The following ZNF208 variants were observed in gnomAD, a reference collection of about 807,000 sequenced individuals.
ZNF208 encodes the protein zinc finger protein 208.
A neutral mutation model predicts 12.1 loss-of-function variants in ZNF208; 10 were observed. That is an observed-to-expected ratio of 0.83 (90% CI 0.51 to 1.40). ZNF208 has a LOEUF of 1.40. Among genes scored for constraint, ZNF208 ranks in the 40% most tolerant of loss-of-function variants. The pLI, the probability that ZNF208 is intolerant of heterozygous loss-of-function variation, is 0.00. For missense variants in ZNF208, 1,652 were observed against 1,485.0 expected (o/e 1.11, Z -1.85); for synonymous variants, 497 against 488.4 (o/e 1.02, Z -0.23).
intron 1 of ZNF208, among the ~76,000 whole-genome samples, chr19:22,009,067 C>T (rs1971098402): frequency 6.6e-6 from 1 of 152,090 alleles, no homozygotes; most frequent in Admixed American, 6.6e-5. Flanking sequence ...GAAACCTTGA[C>T]CCAAAACATT....
At chr19:21,964,614 A>G (rs1331520430), downstream of ZNF208, among the ~76,000 whole-genome samples, 1 of 151,758 alleles carries the variant, frequency 6.6e-6, no homozygotes, top group Non-Finnish European at 1.5e-5. Context: ...TAACAATGAT[A>G]TCTCTCATGA....
intron 1 of ZNF208, among the ~76,000 whole-genome samples, chr19:22,001,007 G>T (rs1023469468): frequency 6.6e-6 from 1 of 152,152 alleles, no homozygotes; most frequent in East Asian, 1.9e-4. Flanking sequence ...CAAAGCCCTG[G>T]GCTGAGTGCG....
downstream of ZNF208, among the ~76,000 whole-genome samples, chr19:21,961,623 T>C (rs550316312): frequency 6.6e-6 from 1 of 152,158 alleles, no homozygotes; most frequent in East Asian, 1.9e-4. Context: ...TCAGTCCTTA[T>C]CTCAATCACA....
At chr19:21,975,590 A>G (rs941747935) in intron 3 of ZNF208, among the ~76,000 whole-genome samples, 2 of 152,128 alleles carry the variant, frequency 1.3e-5, no homozygotes, top group African/African-American at 4.8e-5. Context: ...AAAGATTAAA[A>G]TCTATACAAT....
At chr19:21,959,190 T>A (rs1010151394) in intron 4 of ZNF208, among the ~76,000 whole-genome samples, 3 of 152,132 alleles carry the variant, frequency 2.0e-5, no homozygotes, top group African/African-American at 7.2e-5. Context: ...ATATTTAAAT[T>A]TATAAAGTAA....
Position 21,974,232 on chromosome 19 carries a change from G to A in ZNF208, c.802C>T (p.Gln268Ter), listed in dbSNP as rs765113757. The change falls in exon 4 of 4, where the codon CAA becomes TAA. Residue 268 changes from glutamine (Q) to a stop codon, truncating the protein, a stop_gained. Coordinates refer to ENST00000397126, the MANE Select transcript of ZNF208 (RefSeq NM_007153.3). LOFTEE classifies it low-confidence loss of function (END_TRUNC). Reference protein sequence around the residue: ...KCEECGKAFNQSAILTKHKII... With the variant: ...KCEECGKAFN ...TTATGTTTAGTAAGGATTGCAGATT[G>A]GTTAAAAGCCTTGCCACATTCTTCA... 3.7e-6 allele frequency: 6 copies of A among 1,604,372 alleles called. No homozygotes were observed. The African/African-American group carries it at 5.5e-5, about 15-fold the overall frequency.
chr19:21,954,214 TC>T (rs1969935268), intron 4 of ZNF208, among the ~76,000 whole-genome samples: 1 of 152,214 alleles, frequency 6.6e-6, no homozygotes, highest in African/African-American at 2.4e-5. Flanking sequence ...TGTTGTGATT[TC>T]TGTTCTTTTC....
intron 4 of ZNF208, among the ~76,000 whole-genome samples, chr19:21,947,270 A>G (rs1001266335): frequency 5.9e-5 from 9 of 152,134 alleles, no homozygotes; most frequent in African/African-American, 1.7e-4. Flanking sequence ...TTTGCATTTG[A>G]TTTGTTTTTT....
chr19:21,945,863 C>G (rs1234704349), intron 4 of ZNF208, among the ~76,000 whole-genome samples: 1 of 151,740 alleles, frequency 6.6e-6, no homozygotes, highest in Admixed American at 6.6e-5. Flanking sequence ...CCCCCAACCC[C>G]CAGGTTAGTG....
chr19:21,990,298 A>G, intron 1 of ZNF208, among the ~76,000 whole-genome samples: 1 of 152,196 alleles, frequency 6.6e-6, no homozygotes, highest in Non-Finnish European at 1.5e-5. Context: ...AGCTTTCTAC[A>G]TATGGCTAGC....
At chr19:21,958,443 C>T (rs1970012509) in intron 4 of ZNF208, among the ~76,000 whole-genome samples, 1 of 152,148 alleles carries the variant, frequency 6.6e-6, no homozygotes, top group Admixed American at 6.5e-5. Flanking sequence ...GCCAATAACC[C>T]AGAGCTTTCT....
rs187414331 is a variant in ZNF208 at position 21,978,271 on chromosome 19, C to A, written c.227-3464G>T. The stretch of plus-strand genomic sequence containing the variant: ...AGTGGGTCCCTGACACCCGTGTCTC[C>A]TGATTAAGAGACACCTCCCAGTAGA... On this transcript the variant is annotated intron_variant, in intron 3 of 3. Coordinates refer to ENST00000397126, the MANE Select transcript of ZNF208 (RefSeq NM_007153.3). 4.0e-3 allele frequency among the ~76,000 whole-genome samples: 614 copies of A among 152,270 alleles called. 2 individuals carry two copies. The highest frequency in any genetic ancestry group is 0.015 in the African/African-American group (603 of 41,546).
chr19:21,979,521 C>A (rs1035147964), intron 3 of ZNF208, among the ~76,000 whole-genome samples: 1 of 152,118 alleles, frequency 6.6e-6, no homozygotes, highest in Non-Finnish European at 1.5e-5. Context: ...TACAGATAAG[C>A]AAATGCTGAG....
intron 4 of ZNF208, among the ~76,000 whole-genome samples, chr19:21,960,120 C>A (rs865884583): frequency 6.6e-6 from 1 of 152,066 alleles, no homozygotes; most frequent in African/African-American, 2.4e-5. Flanking sequence ...AGAAATGACA[C>A]AAAGATTCAA....
chr19:21,986,625 T>C (rs1489828597), intron 3 of ZNF208: 1 of 158,488 alleles, frequency 6.3e-6, no homozygotes, highest in Admixed American at 6.5e-5. Context: ...AGTGTTTTTT[T>C]CACAGTAATG....
At chr19:21,948,106 G>A (rs1224575170) in intron 4 of ZNF208, among the ~76,000 whole-genome samples, 1 of 152,162 alleles carries the variant, frequency 6.6e-6, no homozygotes, top group East Asian at 1.9e-4. Flanking sequence ...AGAGAAAGGG[G>A]ACTGAGGAAA....
chr19:22,001,771 T>G (rs144187368), intron 1 of ZNF208, among the ~76,000 whole-genome samples: 2,562 of 151,200 alleles, frequency 0.017, 24 homozygotes, highest in Non-Finnish European at 0.024. Context: ...CACACACCTG[T>G]AATCCCAGCT....
intron 3 of ZNF208, among the ~76,000 whole-genome samples, chr19:21,980,954 A>G (rs1168866845): frequency 6.6e-6 from 1 of 152,196 alleles, no homozygotes; most frequent in Non-Finnish European, 1.5e-5. Flanking sequence ...ATAAACTAGA[A>G]AATCTAAAAG....
Position 21,971,426 on chromosome 19 carries a change from C to T in ZNF208, c.3608G>A (p.Gly1203Asp), listed in dbSNP as rs750124795. 5 of 1,609,750 alleles carry T rather than the reference C, an allele frequency of 3.1e-6. No individual in the cohort carries two copies. Among genetic ancestry groups the T allele is most frequent in the Non-Finnish European group, 4.2e-6 (5 of 1,179,308 alleles). ...GGTTGAGGGCCACTTATAGGCTTTG[C>T]CACATTCTTCACATTTGTAGAGTTT... is the stretch of plus-strand genomic sequence containing the variant. ...GEKLYKCEEC[G>D]KAYKWPSTLR... The change falls in exon 4 of 4, where the codon GGC (glycine) becomes GAC (aspartate). Residue 1203 changes from glycine (G) to aspartate (D), a missense_variant. Transcript: ENST00000397126.
Sources: allele counts gnomAD v4.1 joint callset (sites outside exome capture counted in the v4.1 genomes callset), GRCh38; gene constraint gnomAD v4.1.1; transcripts MANE v1.5; gene names NCBI Gene and HGNC (gene_info 2026-07-23, HGNC 2026-07-21).